The following PDE9A variants were observed in gnomAD, a reference collection of about 807,000 sequenced individuals.
The protein encoded by PDE9A is high affinity cGMP-specific 3',5'-cyclic phosphodiesterase 9A.
A neutral mutation model predicts 87.4 loss-of-function variants in PDE9A; 60 were observed. That is an observed-to-expected ratio of 0.69 (90% CI 0.56 to 0.85). PDE9A has a LOEUF of 0.85. PDE9A is among the 40% of genes least tolerant of loss of function. PDE9A has a pLI of 0.00. For synonymous variants in PDE9A, 272 were observed against 279.4 expected (o/e 0.97, Z 0.27); for missense variants, 665 against 779.0 (o/e 0.85, Z 1.74).
intron 19 of PDE9A, 110 bp from the exon 20 acceptor site, chr21:42,775,170 G>A: frequency 1.0e-6 from 1 of 987,896 alleles, no homozygotes; most frequent in Non-Finnish European, 1.6e-6. Context: ...TCGAACTCCT[G>A]ACCTCGTGAT....
chr21:42,735,816 T>C (rs922809069), intron 7 of PDE9A, among the ~76,000 whole-genome samples: 2 of 152,128 alleles, frequency 1.3e-5, no homozygotes, highest in Non-Finnish European at 2.9e-5. Context: ...AGGGAGTAGG[T>C]TGTGAACAGA....
At chr21:42,690,874 T>G (rs2059788146) in intron 3 of PDE9A, among the ~76,000 whole-genome samples, 1 of 152,156 alleles carries the variant, frequency 6.6e-6, no homozygotes, top group Non-Finnish European at 1.5e-5. Context: ...AACCAGCTTC[T>G]GCTTATCCGC....
chr21:42,773,782 CAG>C (rs1182756621), intron 19 of PDE9A, among the ~76,000 whole-genome samples: 2 of 150,692 alleles, frequency 1.3e-5, no homozygotes, highest in Non-Finnish European at 2.9e-5. Context: ...GCCTGGGCAA[CAG>C]AGCGAGACTT....
intron 19 of PDE9A, among the ~76,000 whole-genome samples, chr21:42,775,035 G>A (rs1236037949): frequency 1.3e-5 from 2 of 151,120 alleles, no homozygotes; most frequent in Non-Finnish European, 2.9e-5. Flanking sequence ...TCCACCTCCC[G>A]GGTTCAAGCA....
At chr21:42,712,980 A>G (rs900931537) in intron 4 of PDE9A, among the ~76,000 whole-genome samples, 2 of 152,154 alleles carry the variant, frequency 1.3e-5, no homozygotes, top group African/African-American at 2.4e-5. Flanking sequence ...GGGTAAATGC[A>G]CTTATATTTC....
intron 4 of PDE9A, among the ~76,000 whole-genome samples, chr21:42,721,661 C>A (rs1463065295): frequency 2.6e-5 from 4 of 152,272 alleles, no homozygotes; most frequent in Admixed American, 2.6e-4. Flanking sequence ...AGTTCAAGGG[C>A]AGTTGCAGGG....
At chr21:42,726,624 A>ATTTTTTTTTT (rs1197356167) in intron 4 of PDE9A, among the ~76,000 whole-genome samples, 332 of 19,774 alleles carry the variant, frequency 0.017, 40 homozygotes, top group East Asian at 0.023. Context: ...ATATATATAT[A>ATTTTTTTTTT]TTTTTTTTTT....
At position 42,695,551 on chromosome 21, in the gene PDE9A, G is replaced by A. The variant is rs1049858660; in HGVS notation, c.219-3417G>A. ...CATTGCTCCTTTTGTTCCCGGTTTC[G>A]GCCAAGTTGTGCCGCAGGTGACTCT... On this transcript the variant is annotated intron_variant, in intron 3 of 19. Coordinates refer to ENST00000291539, the MANE Select transcript of PDE9A (RefSeq NM_002606.3). This position sits in a 1 kb window ranked among gnomAD's most constrained non-coding sequence, Gnocchi z 4.3. Among the ~76,000 whole-genome samples the A allele has an allele frequency of 2.0e-5, 3 of 152,202 alleles. No individual in the cohort carries two copies. Among genetic ancestry groups the A allele is most frequent in the Non-Finnish European group, 2.9e-5 (2 of 68,036 alleles).
intron 1 of PDE9A, among the ~76,000 whole-genome samples, chr21:42,658,104 T>G (rs2057225838): frequency 6.6e-6 from 1 of 152,186 alleles, no homozygotes; most frequent in Non-Finnish European, 1.5e-5. Context: ...CCCCTTCACA[T>G]GCGGGAGCCC....
chr21:42,765,669 C>T lies in PDE9A; in HGVS notation c.1356+175C>T, dbSNP rs1346870433. The stretch of plus-strand genomic sequence containing the variant: ...CTTACTAGGAAAGTCCGGGCAGGGC[C>T]TCCCTCCTGATGGGTCCTCCTTCAT... On this transcript the variant is annotated intron_variant, in intron 15 of 19. Transcript: ENST00000291539. The T allele has an allele frequency of 9.6e-6, 6 of 623,178 alleles. No homozygotes were observed. In the Admixed American group the frequency reaches 1.2e-4, roughly 13 times the overall value. 38.6% of individuals were successfully genotyped at this position (623,178 alleles called of 1,614,324 possible).
At chr21:42,708,648 G>A (rs2049035301) in intron 4 of PDE9A, among the ~76,000 whole-genome samples, 1 of 152,200 alleles carries the variant, frequency 6.6e-6, no homozygotes, top group Admixed American at 6.5e-5. Context: ...TCTGCCTCCT[G>A]GGTTCAAGCA....
At chr21:42,748,868 G>A (rs1274508985) in intron 8 of PDE9A, among the ~76,000 whole-genome samples, 1 of 152,094 alleles carries the variant, frequency 6.6e-6, no homozygotes, top group Admixed American at 6.5e-5. Flanking sequence ...TCGTAGCGTG[G>A]CATTTTTTGG....
rs1196059736 is a variant in PDE9A at position 42,705,697 on chromosome 21, G to A, written c.262+6686G>A. Among the ~76,000 whole-genome samples the A allele has an allele frequency of 6.6e-6, 1 of 152,180 alleles. No individual in the cohort carries two copies. On this transcript the variant is annotated intron_variant, in intron 4 of 19. Transcript: ENST00000291539. The surrounding 1 kb of genome is among the most constrained non-coding windows in gnomAD (Gnocchi z 4.3). ...GCCAGGGGCCATCACGATTTTCTTA[G>A]GCACAGCAGCAGTTGAACCGTGCTG...
At chr21:42,667,014 C>A (rs889488986) in intron 1 of PDE9A, among the ~76,000 whole-genome samples, 3 of 152,184 alleles carry the variant, frequency 2.0e-5, no homozygotes, top group African/African-American at 7.2e-5. Flanking sequence ...GTCCCCACTC[C>A]CCCCCGCCCC....
At position 42,659,230 on chromosome 21, in the gene PDE9A, A is replaced by G. The variant is rs1399115986; in HGVS notation, c.69+5347A>G. The stretch of plus-strand genomic sequence containing the variant: ...ATTCCCCTTTAGCCAGACATTTCCA[A>G]TGTCCAGAGGCCCAGGAGGGGACAG... On this transcript the variant is annotated intron_variant, in intron 1 of 19. Coordinates refer to ENST00000291539, the MANE Select transcript of PDE9A (RefSeq NM_002606.3). The surrounding 1 kb of genome is among the most constrained non-coding windows in gnomAD (Gnocchi z 4.1). 2.0e-5 allele frequency among the ~76,000 whole-genome samples: 3 copies of G among 152,132 alleles called. No individual in the cohort carries two copies. Among genetic ancestry groups the G allele is most frequent in the Non-Finnish European group, 4.4e-5 (3 of 68,008 alleles).
At position 42,760,911 on chromosome 21, in the gene PDE9A, T is replaced by G; in HGVS notation, c.1085+4T>G. On this transcript the variant is annotated splice_donor_region_variant and intron_variant, in intron 13 of 19. Coordinates refer to ENST00000291539, the MANE Select transcript of PDE9A (RefSeq NM_002606.3). This position sits in a 1 kb window ranked among gnomAD's most constrained non-coding sequence, Gnocchi z 5.2. ...ACCATCCCGGCTACAACAACACGTA[T>G]GTACAGGATTTTCTCTTTTTTTCCT... The G allele has an allele frequency of 6.3e-7, 1 of 1,593,318 alleles. No homozygotes were observed. Among genetic ancestry groups the G allele is most frequent in the Non-Finnish European group, 8.6e-7 (1 of 1,161,100 alleles).
At position 42,670,228 on chromosome 21, in the gene PDE9A, C is replaced by CA. The variant is rs76270638; in HGVS notation, c.70-15964_70-15963insA. ...ATACACTTACATTCACACACATACA[C>CA]TTACATTCACACTCATACACATACA... On this transcript the variant is annotated intron_variant, in intron 1 of 19. Coordinates refer to ENST00000291539, the MANE Select transcript of PDE9A (RefSeq NM_002606.3). Among the ~76,000 whole-genome samples the CA allele has an allele frequency of 6.6e-5, 10 of 150,526 alleles. 1 individual carries two copies. The highest frequency in any genetic ancestry group is 2.5e-4 in the African/African-American group (10 of 40,482).
intron 1 of PDE9A, among the ~76,000 whole-genome samples, chr21:42,680,260 T>C (rs1174878574): frequency 6.6e-6 from 1 of 152,196 alleles, no homozygotes; most frequent in East Asian, 1.9e-4. Context: ...TCAGTAAAAG[T>C]TCCCCCAAAA....
chr21:42,661,782 G>A (rs1011553279), intron 1 of PDE9A, among the ~76,000 whole-genome samples: 22 of 152,206 alleles, frequency 1.4e-4, no homozygotes, highest in African/African-American at 5.1e-4. Context: ...GCCTCTCCAC[G>A]TCTTGAGTCA....
Sources: allele counts gnomAD v4.1 joint callset (sites outside exome capture counted in the v4.1 genomes callset), GRCh38; gene constraint gnomAD v4.1.1; non-coding constraint Gnocchi (gnomAD v3.1); transcripts MANE v1.5; gene names NCBI Gene and HGNC (gene_info 2026-07-23, HGNC 2026-07-21).